Variants in CNBD1 observed in about 807,000 individuals in gnomAD.
CNBD1 encodes the protein cyclic nucleotide binding domain containing 1, also known as cyclic nucleotide-binding domain-containing protein 1.
In CNBD1, 71 loss-of-function variants were observed where a neutral mutation model predicts 54.4. That is an observed-to-expected ratio of 1.30 (90% CI 1.08 to 1.59). The LOEUF is 1.59. CNBD1 is among the 40% of genes most tolerant of loss of function. The pLI is 0.00. For missense variants in CNBD1, 659 were observed against 518.0 expected (o/e 1.27, Z -2.64); for synonymous variants, 182 against 170.7 (o/e 1.07, Z -0.51).
intron 4 of CNBD1, among the ~76,000 whole-genome samples, chr8:87,128,946 G>T (rs1171059728): frequency 6.7e-6 from 1 of 148,582 alleles, no homozygotes; most frequent in African/African-American, 2.5e-5. Flanking sequence ...AATTAGCCGG[G>T]ATTGGTGGCA....
intron 6 of CNBD1, among the ~76,000 whole-genome samples, chr8:87,237,498 T>G (rs1421195104): frequency 6.6e-6 from 1 of 151,438 alleles, no homozygotes; most frequent in East Asian, 1.9e-4. Context: ...ATGTTTATTA[T>G]GTTTGTCTCA....
intron 5 of CNBD1, among the ~76,000 whole-genome samples, chr8:87,212,124 A>G (rs181971797): frequency 5.2e-4 from 79 of 152,296 alleles, no homozygotes; most frequent in African/African-American, 1.9e-3. Context: ...CAATTTGCCA[A>G]TAACATCAAA....
intron 2 of CNBD1, among the ~76,000 whole-genome samples, chr8:87,423,536 T>G (rs1462196457): frequency 6.6e-6 from 1 of 151,180 alleles, no homozygotes; most frequent in African/African-American, 2.5e-5. Flanking sequence ...GAGATAATCA[T>G]GTGGTTTCTG....
chr8:86,991,189 G>T (rs1032447446), intron 4 of CNBD1, among the ~76,000 whole-genome samples: 3 of 152,020 alleles, frequency 2.0e-5, no homozygotes, highest in Non-Finnish European at 4.4e-5. Context: ...TTATGTGATT[G>T]CTCTGTCTAC....
chr8:86,912,717 A>G (rs141606311), intron 3 of CNBD1, among the ~76,000 whole-genome samples: 1 of 152,276 alleles, frequency 6.6e-6, no homozygotes, highest in African/African-American at 2.4e-5. Context: ...TTTAAAAAAA[A>G]GGTTAATTGT....
chr8:87,422,479 G>T (rs1394420007), intron 2 of CNBD1, among the ~76,000 whole-genome samples: 1 of 151,422 alleles, frequency 6.6e-6, no homozygotes, highest in Admixed American at 6.6e-5. Flanking sequence ...TTCAGTTTCA[G>T]CTTTCTACAT....
intron 4 of CNBD1, among the ~76,000 whole-genome samples, chr8:86,993,183 G>A (rs1481001511): frequency 6.7e-6 from 1 of 149,764 alleles, no homozygotes; most frequent in African/African-American, 2.4e-5. Context: ...TTTTGTCTGA[G>A]TGCACTGACT....
chr8:86,953,080 T>C (rs1256667059), intron 4 of CNBD1, among the ~76,000 whole-genome samples: 4 of 152,250 alleles, frequency 2.6e-5, no homozygotes, highest in African/African-American at 9.6e-5. Context: ...TTCCTTTTTC[T>C]TTCTGAATAG....
chr8:87,114,314 T>C (rs573358122), intron 4 of CNBD1, among the ~76,000 whole-genome samples: 4 of 152,334 alleles, frequency 2.6e-5, no homozygotes, highest in African/African-American at 9.6e-5. Context: ...ACTATTTTTC[T>C]CTTCTTTTGT....
chr8:87,303,252 G>A (rs959640910), intron 8 of CNBD1, among the ~76,000 whole-genome samples: 2 of 151,388 alleles, frequency 1.3e-5, no homozygotes, highest in Non-Finnish European at 3.0e-5. Flanking sequence ...CAAGGCTACA[G>A]TAACCAAAAC....
At chr8:87,229,176 T>A (rs1814602296) in intron 5 of CNBD1, among the ~76,000 whole-genome samples, 1 of 151,928 alleles carries the variant, frequency 6.6e-6, no homozygotes, top group Non-Finnish European at 1.5e-5. Flanking sequence ...ATGAACCCGG[T>A]ACCTCAGATG....
At position 87,393,886 on chromosome 8, in the gene CNBD1, T is replaced by C. The variant is rs577701694; in HGVS notation, c.214-34660T>C. ...ACAAATGTGAGTGTTAGTGAAAAGA[T>C]CGAATTACACATTGGCTATTTAGAA... On this transcript the variant is annotated intron_variant, in intron 2 of 7. Transcript: ENST00000521593. 4.6e-5 allele frequency among the ~76,000 whole-genome samples: 7 copies of C among 151,826 alleles called. No individual in the cohort carries two copies. In the East Asian group the frequency reaches 1.2e-3, roughly 25 times the overall value.
chr8:87,015,853 T>C (rs944013770), intron 4 of CNBD1, among the ~76,000 whole-genome samples: 2 of 151,536 alleles, frequency 1.3e-5, no homozygotes, highest in African/African-American at 4.9e-5. Flanking sequence ...TGGTGGTGGG[T>C]ACCTGTAATC....
chr8:87,042,582 G>A (rs938265818), intron 4 of CNBD1, among the ~76,000 whole-genome samples: 4 of 152,108 alleles, frequency 2.6e-5, no homozygotes, highest in Non-Finnish European at 4.4e-5. Context: ...ATTAAAGAGC[G>A]ACTGGACAAT....
At chr8:87,419,487 G>A in intron 2 of CNBD1, among the ~76,000 whole-genome samples, 1 of 151,802 alleles carries the variant, frequency 6.6e-6, no homozygotes, top group South Asian at 2.1e-4. Context: ...ATAAGATTTG[G>A]AGAAAATGTT....
chr8:87,382,512 C>A (rs1278869768), intron 10 of CNBD1, 108 bp from the exon 11 acceptor site: 7 of 785,566 alleles, frequency 8.9e-6, no homozygotes, highest in Admixed American at 7.3e-5. Flanking sequence ...TAAAGCATAA[C>A]CCCTCTGACT....
chr8:87,023,040 G>A, intron 4 of CNBD1, among the ~76,000 whole-genome samples: 1 of 151,874 alleles, frequency 6.6e-6, no homozygotes, highest in Non-Finnish European at 1.5e-5. Context: ...AAAAGGAAAT[G>A]AGACTAATTG....
intron 4 of CNBD1, among the ~76,000 whole-genome samples, chr8:87,126,388 A>T (rs115897549): frequency 8.4e-4 from 127 of 152,094 alleles, no homozygotes; most frequent in African/African-American, 2.8e-3. Flanking sequence ...GCATTTTCCT[A>T]GTGATAACTG....
At chr8:87,224,644 A>T (rs1056234394) in intron 5 of CNBD1, among the ~76,000 whole-genome samples, 10 of 151,746 alleles carry the variant, frequency 6.6e-5, no homozygotes, top group Non-Finnish European at 1.0e-4. Flanking sequence ...TGGTTACTGT[A>T]GCCTTGTAGT....
Sources: allele counts gnomAD v4.1 joint callset (sites outside exome capture counted in the v4.1 genomes callset), GRCh38; gene constraint gnomAD v4.1.1; transcripts MANE v1.5; gene names NCBI Gene and HGNC (gene_info 2026-07-23, HGNC 2026-07-21).